The following GAS7 variants were observed in gnomAD, a reference collection of about 807,000 sequenced individuals.
The protein encoded by GAS7 is growth arrest-specific protein 7.
Under a neutral mutation model 71.1 loss-of-function variants are expected in GAS7, and 28 were observed. The observed-to-expected ratio is 0.39, with a 90% CI of 0.29 to 0.54. GAS7 has a LOEUF of 0.54. Ranked by LOEUF, GAS7 falls within the 20% of genes least tolerant of loss-of-function variation. The pLI is 0.62. For missense variants in GAS7, 436 were observed against 627.8 expected, an observed-to-expected ratio of 0.69 and a Z score of 3.27; for synonymous variants, 258 against 245.8, an observed-to-expected ratio of 1.05 and a Z score of -0.46.
intron 1 of GAS7, among the ~76,000 whole-genome samples, chr17:10,158,377 G>A (rs1345260600): frequency 6.6e-6 from 1 of 150,558 alleles, no homozygotes; most frequent in Non-Finnish European, 1.5e-5. Flanking sequence ...CAGGTGCAGG[G>A]GGCTCGCATC....
intron 1 of GAS7, among the ~76,000 whole-genome samples, chr17:10,133,122 A>ATATATATATT (rs1392845338): frequency 1.0e-4 from 12 of 118,888 alleles, no homozygotes; most frequent in Admixed American, 2.5e-4. Context: ...ATATTTTTAT[A>ATATATATATT]TTTTTTTTTT....
intron 2 of GAS7, among the ~76,000 whole-genome samples, chr17:9,985,159 C>A (rs2070596562): frequency 6.6e-6 from 1 of 152,162 alleles, no homozygotes; most frequent in Non-Finnish European, 1.5e-5. Flanking sequence ...TTGTCTTCTC[C>A]ATGTCACTCC....
chr17:9,954,200 G>A (rs776554436), intron 5 of GAS7, among the ~76,000 whole-genome samples: 11 of 152,170 alleles, frequency 7.2e-5, no homozygotes, highest in African/African-American at 2.2e-4. Context: ...GTCCCACTGC[G>A]TACCCCTCAG....
chr17:9,941,829 TA>T (rs1293045545), intron 7 of GAS7, among the ~76,000 whole-genome samples: 1 of 152,120 alleles, frequency 6.6e-6, no homozygotes, highest in Admixed American at 6.6e-5. Flanking sequence ...AAATTGAAAA[TA>T]GGCCCTCTGT....
At chr17:10,010,356 G>A (rs749210226) in intron 2 of GAS7, among the ~76,000 whole-genome samples, 6 of 152,064 alleles carry the variant, frequency 3.9e-5, no homozygotes, top group African/African-American at 9.7e-5. Context: ...GTTTCACCGT[G>A]TTAGCCAGGA....
intron 1 of GAS7, among the ~76,000 whole-genome samples, chr17:10,187,218 C>T (rs2074462095): frequency 2.0e-5 from 3 of 152,192 alleles, no homozygotes. Flanking sequence ...AGTCCCTGAG[C>T]ATTCCACACA....
At position 9,927,872 on chromosome 17, in the gene GAS7, G is replaced by A. The variant is rs116512967; in HGVS notation, c.886-1103C>T. Reference sequence around the variant, plus strand: ...CACAAGGGCAACTGTCCCGCATTGCGCTCATAAAGACATTCTCAGCTTGCT... The same window carrying A: ...CACAAGGGCAACTGTCCCGCATTGCACTCATAAAGACATTCTCAGCTTGCT... On this transcript the variant is annotated intron_variant, in intron 9 of 13. Coordinates refer to ENST00000432992, the MANE Select transcript of GAS7 (RefSeq NM_201433.2). Among the ~76,000 whole-genome samples the A allele has an allele frequency of 7.0e-3, 1,064 of 152,212 alleles. 14 individuals are homozygous for A. Among genetic ancestry groups the A allele is most frequent in the African/African-American group, 0.024 (1,017 of 41,538 alleles).
chr17:10,015,386 C>G (rs1439293874), intron 2 of GAS7, among the ~76,000 whole-genome samples: 1 of 152,146 alleles, frequency 6.6e-6, no homozygotes, highest in Non-Finnish European at 1.5e-5. Flanking sequence ...AGAACCGGGA[C>G]TGCACTTTCT....
In GAS7 at chr17:9,995,386, C is replaced by A. The variant is rs145056422; in HGVS notation, c.305-13502G>T. On this transcript the variant is annotated intron_variant, in intron 2 of 13. Coordinates refer to ENST00000432992, the MANE Select transcript of GAS7 (RefSeq NM_201433.2). ...GTAGATAAAAAGAAAGATAAAGAGA[C>A]GAGGGAAAGACCAAGAAGGGGGCCA... Among the ~76,000 whole-genome samples, 8 of 151,984 alleles carry A rather than the reference C, an allele frequency of 5.3e-5. No homozygotes were observed. The East Asian group carries it at 1.5e-3, about 29-fold the overall frequency.
rs1040012241 is a variant in GAS7 at position 9,959,560 on chromosome 17, G to A, written c.472-305C>T. On this transcript the variant is annotated intron_variant, in intron 4 of 13. Coordinates refer to ENST00000432992, the MANE Select transcript of GAS7 (RefSeq NM_201433.2). This position sits in a 1 kb window ranked among gnomAD's most constrained non-coding sequence, Gnocchi z 5.0. The stretch of plus-strand genomic sequence containing the variant: ...GATTTGGGGAGTTAACCCCTCCGCT[G>A]CCCTCTGCTGGTGAACGTTCCGCGT... The A allele has an allele frequency of 6.1e-6, 5 of 823,626 alleles. No individual in the cohort carries two copies. The highest frequency in any genetic ancestry group is 8.4e-6 in the Non-Finnish European group (5 of 596,060). The allele number at this position is 823,626 out of a possible 1,614,324, so 51.0% of individuals were successfully genotyped here. A position where few individuals can be genotyped will look rare whatever the true frequency, so the allele number is the denominator to read the frequency against.
intron 2 of GAS7, among the ~76,000 whole-genome samples, chr17:10,017,554 C>T (rs1055265876): frequency 1.3e-5 from 2 of 152,154 alleles, no homozygotes; most frequent in Non-Finnish European, 2.9e-5. Flanking sequence ...GTCTGGAACT[C>T]CTGACCTCAA....
chr17:9,975,378 T>G (rs1235877251), intron 3 of GAS7, among the ~76,000 whole-genome samples: 1 of 151,968 alleles, frequency 6.6e-6, no homozygotes, highest in South Asian at 2.1e-4. Flanking sequence ...AAAAACAAAG[T>G]TGAGGAACCC....
intron 2 of GAS7, among the ~76,000 whole-genome samples, chr17:10,014,863 C>A (rs1410549321): frequency 1.3e-5 from 2 of 151,986 alleles, no homozygotes; most frequent in Non-Finnish European, 2.9e-5. Context: ...TGAAAATAAG[C>A]AGATTAGCCA....
intron 1 of GAS7, chr17:10,061,077 C>T (rs1157333761): frequency 6.6e-6 from 1 of 152,290 alleles, no homozygotes; most frequent in East Asian, 1.9e-4. Flanking sequence ...AATGGTCTCC[C>T]TTCTGACCCA....
At chr17:9,923,443 TTAA>T (rs2067891786) in intron 11 of GAS7, among the ~76,000 whole-genome samples, 1 of 151,552 alleles carries the variant, frequency 6.6e-6, no homozygotes. Flanking sequence ...ATATCTGCAA[TTAA>T]AATGAAAAAC....
chr17:9,969,770 G>C lies in GAS7; in HGVS notation c.386-8C>G. ...ATGCGTGGTATCCATTCACTGCAGG[G>C]ACAGAGACACGGCTCAGATGCTGTG... is the stretch of plus-strand genomic sequence containing the variant. On this transcript the variant is annotated splice_region_variant and splice_polypyrimidine_tract_variant and intron_variant, in intron 3 of 13. Transcript: ENST00000432992. The surrounding 1 kb of genome is among the most constrained non-coding windows in gnomAD (Gnocchi z 5.5). The C allele has an allele frequency of 6.3e-7, 1 of 1,587,876 alleles. No homozygotes were observed. Among genetic ancestry groups the C allele is most frequent in the Non-Finnish European group, 8.6e-7 (1 of 1,156,072 alleles).
At chr17:9,949,077 A>G (rs1402748938) in intron 5 of GAS7, among the ~76,000 whole-genome samples, 3 of 152,058 alleles carry the variant, frequency 2.0e-5, no homozygotes, top group African/African-American at 4.8e-5. Flanking sequence ...CTGGGACAGG[A>G]GGGCGGACAG....
intron 9 of GAS7, among the ~76,000 whole-genome samples, chr17:9,929,753 A>C (rs1243719050): frequency 6.6e-6 from 1 of 152,148 alleles, no homozygotes; most frequent in East Asian, 1.9e-4. Flanking sequence ...CTGGGATTAC[A>C]GGTGTGAGCC....
intron 1 of GAS7, among the ~76,000 whole-genome samples, chr17:10,156,173 A>G (rs2074203563): frequency 1.3e-5 from 2 of 152,090 alleles, no homozygotes; most frequent in South Asian, 4.1e-4. Context: ...GTCCTTGATA[A>G]TATTTCCTTC....
Sources: gnomAD v4.1 joint callset for allele counts (sites outside exome capture counted in the v4.1 genomes callset) on GRCh38, gnomAD v4.1.1 for gene constraint, Gnocchi (gnomAD v3.1) non-coding constraint, MANE v1.5 for transcripts, NCBI Gene and HGNC (gene_info 2026-07-23, HGNC 2026-07-21) for gene names.